JPH2: variants seen among roughly 807,000 people sequenced by gnomAD.
JPH2 encodes junctophilin 2.
JPH2 carries 38 observed loss-of-function variants against 55.9 expected under a neutral mutation model. The ratio of observed to expected loss-of-function variants is 0.68; its 90% CI spans 0.52 to 0.89. The LOEUF is 0.89. Ranked by LOEUF, JPH2 falls within the 40% of genes least tolerant of loss-of-function variation. The pLI is 0.00. For synonymous variants in JPH2, 480 were observed against 472.4 expected, an observed-to-expected ratio of 1.02 and a Z score of -0.21; for missense variants, 964 against 1,037.6, an observed-to-expected ratio of 0.93 and a Z score of 0.97.
rs1185456397 is a variant in JPH2, at chr20:44,108,759, G to C, written c.*4759C>G. The stretch of plus-strand genomic sequence containing the variant: ...CCCTGGCATCTGTTGCCGTACATGA[G>C]GGTCTCACCTGCAGTTGGTCTGTGG... On this transcript the variant is annotated 3_prime_UTR_variant, in exon 6 of 6. Transcript: ENST00000372980. Among the ~76,000 whole-genome samples, 35 of 152,124 alleles carry C rather than the reference G, an allele frequency of 2.3e-4. No individual in the cohort carries two copies. The highest frequency in any genetic ancestry group is 1.0e-4 in the Non-Finnish European group (7 of 68,018).
At chr20:44,183,882 T>C (rs986086753) in intron 1 of JPH2, among the ~76,000 whole-genome samples, 3 of 152,108 alleles carry the variant, frequency 2.0e-5, no homozygotes, top group Admixed American at 6.6e-5. Flanking sequence ...CGGGGTGTGA[T>C]GGTTCACACC....
rs1455220491 is a variant in JPH2, at chr20:44,109,197, T to C, written c.*4321A>G. ...CAGCTCTGTCCTTCCCTCTCTGTGA[T>C]ACCTTGAACCAATCACTCCATCTCC... On this transcript the variant is annotated 3_prime_UTR_variant, in exon 6 of 6. Coordinates refer to ENST00000372980, the MANE Select transcript of JPH2 (RefSeq NM_020433.5). Among the ~76,000 whole-genome samples the C allele has an allele frequency of 6.6e-6, 1 of 152,220 alleles. No individual in the cohort carries two copies. The highest frequency in any genetic ancestry group is 1.5e-5 in the Non-Finnish European group (1 of 68,040).
At chr20:44,149,077 AC>A (rs1012921997) in intron 2 of JPH2, among the ~76,000 whole-genome samples, 8 of 151,206 alleles carry the variant, frequency 5.3e-5, no homozygotes, top group Non-Finnish European at 7.4e-5. Flanking sequence ...AAAAAAAAAA[AC>A]ATTCTCCCTC....
rs1245114185 is a variant in JPH2 at position 44,186,379 on chromosome 20, G to A, written c.327C>T (p.Thr109=). 3.7e-6 allele frequency: 6 copies of A among 1,613,302 alleles called. No homozygotes were observed. The highest frequency in any genetic ancestry group is 5.1e-6 in the Non-Finnish European group (6 of 1,179,964). The part of the protein sequence containing the change: ...SSSSGAKYEG[T]WNNGLQDGYG... Reference sequence around the variant, plus strand: ...AGCCGTCTTGCAGGCCATTGTTCCAGGTGCCCTCATACTTGGCACCGCTGC... The same window carrying A: ...AGCCGTCTTGCAGGCCATTGTTCCAAGTGCCCTCATACTTGGCACCGCTGC... The change falls in exon 1 of 6, where the codon ACC becomes ACT. Residue 109 remains threonine (T), a synonymous_variant. Coordinates refer to ENST00000372980, the MANE Select transcript of JPH2 (RefSeq NM_020433.5).
intron 2 of JPH2, among the ~76,000 whole-genome samples, chr20:44,147,929 G>A (rs1456448535): frequency 1.3e-5 from 2 of 152,160 alleles, no homozygotes; most frequent in Admixed American, 6.5e-5. Flanking sequence ...TTGGGAGGCC[G>A]AGGCGGGTGG....
In JPH2 at chr20:44,108,527, A is replaced by G. The variant is rs1022579280; in HGVS notation, c.*4991T>C. Among the ~76,000 whole-genome samples the G allele has an allele frequency of 9.9e-5, 15 of 151,360 alleles. No individual in the cohort carries two copies. Among genetic ancestry groups the G allele is most frequent in the African/African-American group, 3.6e-4 (15 of 41,098 alleles). ...ACTTTGCTGACTTTACAGCCTCAAGATTGCTGACTTTACAGCCTCAAGATG... is the reference window on the plus strand; with the variant it reads ...ACTTTGCTGACTTTACAGCCTCAAGGTTGCTGACTTTACAGCCTCAAGATG... On this transcript the variant is annotated 3_prime_UTR_variant, in exon 6 of 6. Coordinates refer to ENST00000372980, the MANE Select transcript of JPH2 (RefSeq NM_020433.5).
chr20:44,165,296 A>C (rs986321305), intron 1 of JPH2, among the ~76,000 whole-genome samples: 2 of 149,390 alleles, frequency 1.3e-5, no homozygotes, highest in Non-Finnish European at 2.9e-5. Flanking sequence ...TTCAGGAAAA[A>C]AAAAAACAAA....
At chr20:44,163,273 C>A (rs2072628752) in intron 1 of JPH2, among the ~76,000 whole-genome samples, 1 of 152,170 alleles carries the variant, frequency 6.6e-6, no homozygotes, top group South Asian at 2.1e-4. Context: ...CATTGGGTGA[C>A]CTTGGCAATT....
Position 44,160,420 on chromosome 20 carries a change from A to G in JPH2, c.380-13T>C, listed in dbSNP as rs1238462367. On this transcript the variant is annotated splice_polypyrimidine_tract_variant and intron_variant, in intron 1 of 5. Transcript: ENST00000372980. The surrounding 1 kb of genome is among the most constrained non-coding windows in gnomAD (Gnocchi z 4.9). ...CCTTGGTACGTCCCTGCGGGCGAGG[A>G]GAGGGCGCGTCAGTAGGCGGCACGA... The G allele has an allele frequency of 6.2e-7, 1 of 1,607,210 alleles. No individual in the cohort carries two copies. Among genetic ancestry groups the G allele is most frequent in the Admixed American group, 1.7e-5 (1 of 59,612 alleles).
Position 44,160,073 on chromosome 20 carries a change from G to C in JPH2, c.714C>G (p.Ser238=), listed in dbSNP as rs772581238. The C allele has an allele frequency of 3.9e-6, 6 of 1,536,308 alleles. No homozygotes were observed. The highest frequency in any genetic ancestry group is 2.0e-5 in the Admixed American group (1 of 51,028). Residue 238 remains serine, a synonymous_variant, in exon 2 of 6, where the codon TCC becomes TCG. Coordinates refer to ENST00000372980, the MANE Select transcript of JPH2 (RefSeq NM_020433.5). The surrounding 1 kb of genome is among the most constrained non-coding windows in gnomAD (Gnocchi z 4.9). ...TGACACGGCTGCGCTGGCTACCCAC[G>C]GACGTGCGCGACTCTGCGCGCCGCA... ...GKLRRAESRT[S]VGSQRSRVSF...
intron 1 of JPH2, among the ~76,000 whole-genome samples, chr20:44,174,475 A>C (rs1386950376): frequency 1.3e-5 from 2 of 152,132 alleles, no homozygotes; most frequent in African/African-American, 4.8e-5. Context: ...AGCACTTTTT[A>C]AAAATTGCAA....
Position 44,111,330 on chromosome 20 carries a change from C to T in JPH2, c.*2188G>A, listed in dbSNP as rs2072142101. Among the ~76,000 whole-genome samples, 1 of 152,190 alleles carries T rather than the reference C, an allele frequency of 6.6e-6. No individual in the cohort carries two copies. The highest frequency in any genetic ancestry group is 6.5e-5 in the Admixed American group (1 of 15,272). The stretch of plus-strand genomic sequence containing the variant: ...CAGCCTCAACATCTAATGTAATCCT[C>T]ACTACCAGGAGGTAGGCTCTGTAAT... On this transcript the variant is annotated 3_prime_UTR_variant, in exon 6 of 6. Coordinates refer to ENST00000372980, the MANE Select transcript of JPH2 (RefSeq NM_020433.5).
In JPH2 at chr20:44,111,181, T is replaced by G. The variant is rs1340518052; in HGVS notation, c.*2337A>C. Among the ~76,000 whole-genome samples, 1 of 152,202 alleles carries G rather than the reference T, an allele frequency of 6.6e-6. No homozygotes were observed. Among genetic ancestry groups the G allele is most frequent in the Non-Finnish European group, 1.5e-5 (1 of 68,036 alleles). On this transcript the variant is annotated 3_prime_UTR_variant, in exon 6 of 6. Transcript: ENST00000372980. ...ATATTCTGACTAAACAACTGGTATC[T>G]GAATCACCTCCATCCCTTTGGGGTC...
Position 44,110,957 on chromosome 20 carries a change from T to C in JPH2, c.*2561A>G, listed in dbSNP as rs1411966167. Among the ~76,000 whole-genome samples the C allele has an allele frequency of 6.6e-6, 1 of 152,152 alleles. No homozygotes were observed. ...TGCCTGAACTCGAGCCTACTGTTGG[T>C]TGAGGGACCTTCTTCTCCAACCCCC... On this transcript the variant is annotated 3_prime_UTR_variant, in exon 6 of 6. Transcript: ENST00000372980.
intron 2 of JPH2, among the ~76,000 whole-genome samples, chr20:44,126,230 T>C (rs895515055): frequency 6.8e-6 from 1 of 146,364 alleles, no homozygotes; most frequent in African/African-American, 2.5e-5. Flanking sequence ...GGCACAGTGT[T>C]TTGAAGGGGA....
intron 1 of JPH2, among the ~76,000 whole-genome samples, chr20:44,162,503 T>A (rs571654332): frequency 5.3e-5 from 8 of 152,026 alleles, no homozygotes; most frequent in Admixed American, 5.2e-4. Context: ...TTAATCTGGA[T>A]GGGCACCTTC....
rs1485998965 is a variant in JPH2 at position 44,160,141 on chromosome 20, T to G, written c.646A>C (p.Lys216Gln). The change falls in exon 2 of 6, where the codon AAG becomes CAG. Residue 216 changes from lysine to glutamine, a missense_variant. Coordinates refer to ENST00000372980, the MANE Select transcript of JPH2 (RefSeq NM_020433.5). The surrounding 1 kb of genome is among the most constrained non-coding windows in gnomAD (Gnocchi z 4.9). Reference sequence around the variant, plus strand: ...CCCCGCTGGAAGAGGCCGCCGCCCTTGGGCGCCCGCGCGGCCGCCTCGGCA... The same window carrying G: ...CCCCGCTGGAAGAGGCCGCCGCCCTGGGGCGCCCGCGCGGCCGCCTCGGCA... ...ANAEAAARAP[K>Q]GGGLFQRGAL... The G allele has an allele frequency of 4.1e-6, 6 of 1,445,834 alleles. No individual in the cohort carries two copies. In the Admixed American group the frequency reaches 1.4e-4, roughly 34 times the overall value. The allele number at this position is 1,445,834 out of a possible 1,614,324, so 89.6% of individuals were successfully genotyped here.
At chr20:44,125,633 C>G (rs2072270086) in intron 2 of JPH2, among the ~76,000 whole-genome samples, 1 of 152,176 alleles carries the variant, frequency 6.6e-6, no homozygotes, top group Non-Finnish European at 1.5e-5. Context: ...GCAGCCCTGC[C>G]AGGTCAATCA....
intron 1 of JPH2, among the ~76,000 whole-genome samples, chr20:44,181,692 C>T (rs1187734781): frequency 2.0e-5 from 3 of 152,192 alleles, no homozygotes; most frequent in Admixed American, 2.0e-4. Flanking sequence ...ATGCTCTGTC[C>T]TCTCGTCCTG....
Sources: gnomAD v4.1 joint callset for allele counts (sites outside exome capture counted in the v4.1 genomes callset) on GRCh38, gnomAD v4.1.1 for gene constraint, Gnocchi (gnomAD v3.1) non-coding constraint, MANE v1.5 for transcripts, NCBI Gene and HGNC (gene_info 2026-07-23, HGNC 2026-07-21) for gene names.